The following ZNF626 variants were observed in gnomAD, a reference collection of about 807,000 sequenced individuals.
ZNF626 encodes zinc finger protein 626, also known as CTC-513N18.7.
In ZNF626, 4 loss-of-function variants were observed where a neutral mutation model predicts 11.7. The ratio of observed to expected loss-of-function variants is 0.34; its 90% CI spans 0.17 to 0.78. The LOEUF is 0.78. Among genes scored for constraint, ZNF626 ranks in the 30% least tolerant of loss-of-function variants. The pLI is 0.57. For missense variants in ZNF626, 588 were observed against 587.1 expected (o/e 1.00, Z -0.01); for synonymous variants, 179 against 198.6 (o/e 0.90, Z 0.83).
chr19:20,627,557 T>C (rs1228464178), intron 3 of ZNF626, among the ~76,000 whole-genome samples: 1 of 151,864 alleles, frequency 6.6e-6, no homozygotes, highest in Non-Finnish European at 1.5e-5. Context: ...ATAAAACAAA[T>C]AATAAAATAA....
At chr19:20,658,245 C>T (rs1053616313) in intron 1 of ZNF626, among the ~76,000 whole-genome samples, 12 of 152,110 alleles carry the variant, frequency 7.9e-5, no homozygotes, top group African/African-American at 2.7e-4. Flanking sequence ...AGATTATAAC[C>T]GGGAGGTCCA....
In ZNF626 at chr19:20,621,217, CT is replaced by C. The variant is rs2144757516; in HGVS notation, c.*3072del. ...TATCTCAGCTCACTGAAACCTCCAC[CT>C]CCCAGGTTCAAGCCATTCTCCTGCC... On this transcript the variant is annotated 3_prime_UTR_variant, in exon 4 of 4. Coordinates refer to ENST00000601440, the MANE Select transcript of ZNF626 (RefSeq NM_001076675.3). 1 of 152,364 alleles carries C rather than the reference CT, an allele frequency of 6.6e-6. No homozygotes were observed. The highest frequency in any genetic ancestry group is 2.1e-4 in the South Asian group (1 of 4,824). 9.4% of individuals were successfully genotyped at this position (152,364 alleles called of 1,614,324 possible). A position where few individuals can be genotyped will look rare whatever the true frequency, so the allele number is the denominator to read the frequency against.
At chr19:20,643,155 C>A (rs1442608330) in intron 3 of ZNF626, among the ~76,000 whole-genome samples, 3 of 152,022 alleles carry the variant, frequency 2.0e-5, no homozygotes, top group Non-Finnish European at 4.4e-5. Flanking sequence ...TAAATAGATT[C>A]TAATGAGAAA....
intron 3 of ZNF626, chr19:20,645,336 A>G (rs1175213993): frequency 8.9e-6 from 14 of 1,564,872 alleles, no homozygotes; most frequent in South Asian, 8.5e-5. Context: ...GTTTCTCAAA[A>G]TCATGCAGAC....
chr19:20,655,305 G>A (rs1428749164), intron 1 of ZNF626, among the ~76,000 whole-genome samples: 2 of 152,050 alleles, frequency 1.3e-5, no homozygotes, highest in African/African-American at 4.8e-5. Flanking sequence ...AGTTACCTTG[G>A]ATTATCAGGT....
rs782025375 is a variant in ZNF626, at chr19:20,625,084, C to CT, written c.792dup (p.Ala265SerfsTer9). ...CTAAGGGTTGAGGATGACATAAAGG[C>CT]TTTGCCACATTTATCACACTTGTAG... On this transcript the variant is annotated frameshift_variant, in exon 4 of 4. Transcript: ENST00000601440. LOFTEE classifies it low-confidence loss of function (END_TRUNC). 12 of 1,613,400 alleles carry CT rather than the reference C, an allele frequency of 7.4e-6. No individual in the cohort carries two copies. The African/African-American group carries it at 1.3e-4, about 18-fold the overall frequency.
chr19:20,630,315 CCT>C (rs1969888321), intron 3 of ZNF626, among the ~76,000 whole-genome samples: 1 of 152,262 alleles, frequency 6.6e-6, no homozygotes, highest in Non-Finnish European at 1.5e-5. Flanking sequence ...GGGAGGATTC[CCT>C]CTTTTTCTAT....
chr19:20,634,193 A>G (rs1969940941), intron 3 of ZNF626, among the ~76,000 whole-genome samples: 1 of 152,220 alleles, frequency 6.6e-6, no homozygotes, highest in Non-Finnish European at 1.5e-5. Context: ...GAATAAACAC[A>G]AAGAGAGCAA....
rs1436096932 is a variant in ZNF626, at chr19:20,622,069, C to T, written c.*2221G>A. The T allele has an allele frequency of 2.6e-5, 4 of 152,146 alleles. No individual in the cohort carries two copies. The highest frequency in any genetic ancestry group is 9.7e-5 in the African/African-American group (4 of 41,426). 9.4% of individuals were successfully genotyped at this position (152,146 alleles called of 1,614,324 possible). The stretch of plus-strand genomic sequence containing the variant: ...AGGCGTGGTGTCACGCACCTGTAGT[C>T]CCCACTACTCGGGAGGCTGAGGCAG... On this transcript the variant is annotated 3_prime_UTR_variant, in exon 4 of 4. Coordinates refer to ENST00000601440, the MANE Select transcript of ZNF626 (RefSeq NM_001076675.3).
intron 3 of ZNF626, among the ~76,000 whole-genome samples, chr19:20,627,639 A>G (rs1247740345): frequency 1.3e-5 from 2 of 152,134 alleles, no homozygotes; most frequent in African/African-American, 4.8e-5. Flanking sequence ...CAAGAGATAT[A>G]CTTTCAATAA....
At chr19:20,642,571 G>A (rs1012078180) in intron 3 of ZNF626, among the ~76,000 whole-genome samples, 3 of 152,110 alleles carry the variant, frequency 2.0e-5, no homozygotes, top group Admixed American at 2.0e-4. Context: ...ACTTTAGCCT[G>A]AGCAACATGG....
chr19:20,632,553 G>A (rs1439693814), intron 3 of ZNF626, among the ~76,000 whole-genome samples: 1 of 152,030 alleles, frequency 6.6e-6, no homozygotes, highest in Admixed American at 6.5e-5. Context: ...TTCCATCGCT[G>A]ATACCCTTTC....
intron 1 of ZNF626, among the ~76,000 whole-genome samples, chr19:20,653,658 A>G (rs1456736873): frequency 1.1e-5 from 1 of 94,326 alleles, no homozygotes; most frequent in Non-Finnish European, 1.8e-5. Context: ...AAAAAGAAAA[A>G]GAAAAAAAGA....
chr19:20,645,326 G>C (rs1454175618), intron 3 of ZNF626: 11 of 1,555,598 alleles, frequency 7.1e-6, no homozygotes, highest in Non-Finnish European at 9.5e-6. Context: ...AGTAATTTTA[G>C]TTTCTCAAAA....
In ZNF626 at chr19:20,623,010, T is replaced by C. The variant is rs990190084; in HGVS notation, c.*1280A>G. The C allele has an allele frequency of 3.3e-5, 5 of 152,162 alleles. No individual in the cohort carries two copies. Among genetic ancestry groups the C allele is most frequent in the Non-Finnish European group, 5.9e-5 (4 of 68,032 alleles). 9.4% of individuals were successfully genotyped at this position (152,162 alleles called of 1,614,324 possible). ...GAGCAACTGCTTCAGGATTTTCCTC[T>C]AGTACAAAATGTGTGTAATAAACCT... On this transcript the variant is annotated 3_prime_UTR_variant, in exon 4 of 4. Coordinates refer to ENST00000601440, the MANE Select transcript of ZNF626 (RefSeq NM_001076675.3).
chr19:20,638,091 T>C (rs1555771090), intron 3 of ZNF626, among the ~76,000 whole-genome samples: 1 of 152,042 alleles, frequency 6.6e-6, no homozygotes, highest in Non-Finnish European at 1.5e-5. Flanking sequence ...CAGTGAGACA[T>C]GCAAATCAGC....
Position 20,624,082 on chromosome 19 carries a change from C to A in ZNF626, c.*208G>T, listed in dbSNP as rs782345516. ...GTGTGAGGATAGGTGAAAAGCTTTACCACATTATTCACATCTGTAGGGTTT... is the reference window on the plus strand; with the variant it reads ...GTGTGAGGATAGGTGAAAAGCTTTAACACATTATTCACATCTGTAGGGTTT... On this transcript the variant is annotated 3_prime_UTR_variant, in exon 4 of 4. Coordinates refer to ENST00000601440, the MANE Select transcript of ZNF626 (RefSeq NM_001076675.3). The A allele has an allele frequency of 2.3e-6, 2 of 873,606 alleles. No homozygotes were observed. The highest frequency in any genetic ancestry group is 3.7e-5 in the Admixed American group (2 of 54,202). 54.1% of individuals were successfully genotyped at this position (873,606 alleles called of 1,614,324 possible). A position where few individuals can be genotyped will look rare whatever the true frequency, so the allele number is the denominator to read the frequency against.
chr19:20,636,990 C>T (rs868952026), intron 3 of ZNF626, among the ~76,000 whole-genome samples: 9 of 134,350 alleles, frequency 6.7e-5, no homozygotes, highest in Middle Eastern at 5.0e-3. Flanking sequence ...CACGGTACTC[C>T]AGCCTGTGAC....
chr19:20,623,991 A>C lies in ZNF626; in HGVS notation c.*299T>G, dbSNP rs1969787333. The C allele has an allele frequency of 7.3e-6, 4 of 549,528 alleles. No homozygotes were observed. In the South Asian group the frequency reaches 8.0e-5, roughly 11 times the overall value. The allele number at this position is 549,528 out of a possible 1,614,324, so 34.0% of individuals were successfully genotyped here. On this transcript the variant is annotated 3_prime_UTR_variant, in exon 4 of 4. Transcript: ENST00000601440. ...AGTTAGAAATTGAGGGCTGGTTAAA[A>C]GATTTTCCCCATTCATCACATTCAC...
Sources: allele counts gnomAD v4.1 joint callset (sites outside exome capture counted in the v4.1 genomes callset), GRCh38; gene constraint gnomAD v4.1.1; transcripts MANE v1.5; gene names NCBI Gene and HGNC (gene_info 2026-07-23, HGNC 2026-07-21).